Variants in PUM2 observed in about 807,000 individuals in gnomAD.
The protein encoded by PUM2 is pumilio RNA binding family member 2.
Under a neutral mutation model 124.5 loss-of-function variants are expected in PUM2, and 57 were observed. That is an observed-to-expected ratio of 0.46 (90% CI 0.37 to 0.57). The LOEUF (loss-of-function observed/expected upper bound fraction) is 0.57, where lower values mean the gene tolerates loss of function less well. PUM2 is among the 20% of genes least tolerant of loss of function. PUM2 has a pLI of 0.00. For synonymous variants in PUM2, 460 were observed against 446.1 expected (o/e 1.03, Z -0.39); for missense variants, 1,065 against 1,290.6 (o/e 0.83, Z 2.68).
intron 19 of PUM2, 120 bp downstream of exon 19, chr2:20,254,743 A>G: frequency 9.0e-7 from 1 of 1,113,656 alleles, no homozygotes; most frequent in Non-Finnish European, 1.2e-6. Flanking sequence ...GTGCATTTTA[A>G]TGATACCAAA....
chr2:20,251,837 A>C, intron 20 of PUM2, 121 bp from the exon 21 acceptor site: 4 of 1,233,028 alleles, frequency 3.2e-6, no homozygotes, highest in East Asian at 2.4e-5. Flanking sequence ...ATTTAAATCC[A>C]AAGAAAGCTA....
chr2:20,253,948 A>G lies in PUM2; in HGVS notation c.2937T>C (p.Val979=). ...RAERALLIDE[V]CCQNDGPHSA... ...TGTGAGGACCATCATTCTGGCAGCAAACCTCGTCAATCAGTAAAGCTCTCT... is the reference window on the plus strand; with the variant it reads ...TGTGAGGACCATCATTCTGGCAGCAGACCTCGTCAATCAGTAAAGCTCTCT... The change falls in exon 20 of 21, where the codon GTT becomes GTC. Residue 979 remains valine (V), a synonymous_variant. Coordinates refer to ENST00000361078, the MANE Select transcript of PUM2 (RefSeq NM_015317.5). The G allele has an allele frequency of 6.2e-7, 1 of 1,614,106 alleles. No homozygotes were observed. The highest frequency in any genetic ancestry group is 8.5e-7 in the Non-Finnish European group (1 of 1,179,982).
At chr2:20,338,897 C>T (rs1318838407) in intron 1 of PUM2, among the ~76,000 whole-genome samples, 1 of 152,140 alleles carries the variant, frequency 6.6e-6, no homozygotes, top group Non-Finnish European at 1.5e-5. Flanking sequence ...ATGATTTTTA[C>T]ATTACATTTT....
intron 7 of PUM2, among the ~76,000 whole-genome samples, chr2:20,299,320 C>T (rs1370739985): frequency 6.6e-6 from 1 of 151,960 alleles, no homozygotes; most frequent in Non-Finnish European, 1.5e-5. Flanking sequence ...ACCGCCCACA[C>T]ATTTGGTCAC....
intron 13 of PUM2, among the ~76,000 whole-genome samples, chr2:20,264,356 AAAAAAAAAAAAATAT>A (rs1667044069): frequency 1.2e-5 from 1 of 83,540 alleles, no homozygotes; most frequent in African/African-American, 4.9e-5. Flanking sequence ...AAAAAAAAAA[AAAAAAAAAAAAATAT>A]ATATATATAT....
chr2:20,315,577 T>G (rs1411004133), intron 3 of PUM2, among the ~76,000 whole-genome samples: 1 of 152,126 alleles, frequency 6.6e-6, no homozygotes, highest in Non-Finnish European at 1.5e-5. Context: ...TTGACTGAAA[T>G]AATAAATTTC....
At chr2:20,346,767 G>A (rs971839124) in intron 1 of PUM2, among the ~76,000 whole-genome samples, 4 of 152,164 alleles carry the variant, frequency 2.6e-5, no homozygotes, top group African/African-American at 9.7e-5. Flanking sequence ...TTGGCAGCCA[G>A]CTACAGGTTC....
intron 7 of PUM2, among the ~76,000 whole-genome samples, chr2:20,306,080 C>T (rs988455485): frequency 2.6e-5 from 4 of 152,080 alleles, no homozygotes. Flanking sequence ...TGGCGTGCAC[C>T]TGTGGTCCCA....
chr2:20,286,969 GA>G (rs1299102137), intron 10 of PUM2, among the ~76,000 whole-genome samples: 1 of 149,086 alleles, frequency 6.7e-6, no homozygotes, highest in Non-Finnish European at 1.5e-5. Flanking sequence ...CTGGTTAGAT[GA>G]ATGTATGAAG....
Position 20,258,272 on chromosome 2 carries a change from C to T in PUM2, c.2455G>A (p.Ala819Thr), listed in dbSNP as rs752550627. The T allele has an allele frequency of 5.6e-6, 9 of 1,606,930 alleles. No individual in the cohort carries two copies. Among genetic ancestry groups the T allele is most frequent in the Non-Finnish European group, 7.7e-6 (9 of 1,175,414 alleles). The change falls in exon 16 of 21, where the codon GCA (alanine) becomes ACA (threonine). Residue 819 changes from alanine to threonine, a missense_variant. Coordinates refer to ENST00000361078, the MANE Select transcript of PUM2 (RefSeq NM_015317.5). Reference protein sequence around the residue: ...QMYGCRVIQKALESISSDQQS... With the variant: ...QMYGCRVIQKTLESISSDQQS... ...TGGTCAGAAGAAATAGATTCTAATGCTTTCTGAATAACGCGGCAGCCATAC... is the reference window on the plus strand; with the variant it reads ...TGGTCAGAAGAAATAGATTCTAATGTTTTCTGAATAACGCGGCAGCCATAC...
rs929764897 is a variant in PUM2, at chr2:20,255,097, C to T, written c.2749-113G>A. 4 of 1,465,050 alleles carry T rather than the reference C, an allele frequency of 2.7e-6. No homozygotes were observed. In the Admixed American group the frequency reaches 7.8e-5, roughly 28 times the overall value. The allele number at this position is 1,465,050 out of a possible 1,614,324, so 90.8% of individuals were successfully genotyped here. ...ATCCAGTAGGATAGTTAGGAGAATA[C>T]AACAGCCTTTTGTCTCACTCTTGTC... On this transcript the variant is annotated intron_variant, in intron 18 of 20. Transcript: ENST00000361078.
At chr2:20,265,810 A>G (rs1667512698) in intron 13 of PUM2, among the ~76,000 whole-genome samples, 1 of 152,176 alleles carries the variant, frequency 6.6e-6, no homozygotes, top group Non-Finnish European at 1.5e-5. Flanking sequence ...TAGTACCCTA[A>G]CTGTTCACAT....
rs1553362358 is a variant in PUM2 at position 20,264,371 on chromosome 2, T to TATATATAC, written c.1958-912_1958-911insGTATATAT. On this transcript the variant is annotated intron_variant, in intron 13 of 20. Coordinates refer to ENST00000361078, the MANE Select transcript of PUM2 (RefSeq NM_015317.5). ...AAAAAAAAAAAAAAAAAAAAAAATA[T>TATATATAC]ATATATATATATATATATATATATA... Among the ~76,000 whole-genome samples the TATATATAC allele has an allele frequency of 4.9e-3, 255 of 51,984 alleles. 4 individuals carry two copies. The highest frequency in any genetic ancestry group is 0.019 in the African/African-American group (241 of 12,412). 34.1% of individuals were successfully genotyped at this position (51,984 alleles called of 152,430 possible).
chr2:20,350,717 C>T lies in PUM2; in HGVS notation c.-139G>A. 2.0e-6 allele frequency: 2 copies of T among 981,388 alleles called. No individual in the cohort carries two copies. The highest frequency in any genetic ancestry group is 2.4e-6 in the Non-Finnish European group (2 of 827,960). The allele number at this position is 981,388 out of a possible 1,614,324, so 60.8% of individuals were successfully genotyped here. ...GTGGCGGCAATGTCTTCTTTCTCCA[C>T]CTACCACCCTCCCCCCCCACCCCAC... is the stretch of plus-strand genomic sequence containing the variant. On this transcript the variant is annotated 5_prime_UTR_variant, in exon 1 of 21. It adds an upstream start codon to the 5' untranslated region. Coordinates refer to ENST00000361078, the MANE Select transcript of PUM2 (RefSeq NM_015317.5).
intron 9 of PUM2, among the ~76,000 whole-genome samples, chr2:20,292,600 G>A (rs1349303160): frequency 6.7e-6 from 1 of 149,242 alleles, no homozygotes; most frequent in East Asian, 2.3e-4. Flanking sequence ...GACCTCAAGT[G>A]ATCCACTGCA....
intron 1 of PUM2, among the ~76,000 whole-genome samples, chr2:20,336,681 T>TTGTGCG (rs1171955881): frequency 1.5e-5 from 2 of 131,580 alleles, no homozygotes; most frequent in African/African-American, 5.8e-5. Flanking sequence ...CCTGGCTAAT[T>TTGTGCG]TGTGTGTGTG....
intron 13 of PUM2, among the ~76,000 whole-genome samples, 184 bp downstream of exon 13, chr2:20,278,399 T>C (rs942504256): frequency 6.6e-5 from 10 of 152,152 alleles, no homozygotes; most frequent in Admixed American, 2.0e-4. Flanking sequence ...TACCTTATTG[T>C]ACATTAGACC....
Position 20,308,044 on chromosome 2 carries a change from C to T in PUM2, c.817G>A (p.Val273Ile), listed in dbSNP as rs1678758621. Residue 273 changes from valine (V) to isoleucine (I), a missense_variant, in exon 7 of 21, where the codon GTT becomes ATT. Transcript: ENST00000361078. ...TGTTGAGCTGCAGTTAACTGTTGAACTGTTAGTGCATTAGTCCTCTGAAAG... is the reference window on the plus strand; with the variant it reads ...TGTTGAGCTGCAGTTAACTGTTGAATTGTTAGTGCATTAGTCCTCTGAAAG... ...QLFQRTNALT[V>I]QQLTAAQQQQ... 3 of 1,613,280 alleles carry T rather than the reference C, an allele frequency of 1.9e-6. No individual in the cohort carries two copies. Among genetic ancestry groups the T allele is most frequent in the South Asian group, 1.1e-5 (1 of 91,052 alleles).
In PUM2 at chr2:20,308,478, T is replaced by C. The variant is rs367690039; in HGVS notation, c.625A>G (p.Asn209Asp). 3.1e-6 allele frequency: 5 copies of C among 1,614,058 alleles called. No homozygotes were observed. Among genetic ancestry groups the C allele is most frequent in the Non-Finnish European group, 4.2e-6 (5 of 1,180,006 alleles). ...GAAAATTCTTCAACAAGTGGTTTATTAGCTGTAGGATTAGGAAGAGGCCCC... is the reference window on the plus strand; with the variant it reads ...GAAAATTCTTCAACAAGTGGTTTATCAGCTGTAGGATTAGGAAGAGGCCCC... Reference protein sequence around the residue: ...GLGPLPNPTANKPLVEEFSNP... With the variant: ...GLGPLPNPTADKPLVEEFSNP... The change falls in exon 6 of 21, where the codon AAT becomes GAT. Residue 209 changes from asparagine to aspartate, a missense_variant. Transcript: ENST00000361078.
Sources: allele counts gnomAD v4.1 joint callset (sites outside exome capture counted in the v4.1 genomes callset), GRCh38; gene constraint gnomAD v4.1.1; transcripts MANE v1.5; gene names NCBI Gene and HGNC (gene_info 2026-07-23, HGNC 2026-07-21).